The following ATRNL1 variants were observed in gnomAD, a reference collection of about 807,000 sequenced individuals.
The protein encoded by ATRNL1 is attractin-like protein 1.
ATRNL1 carries 95 observed loss-of-function variants against 182.7 expected under a neutral mutation model. The ratio of observed to expected loss-of-function variants is 0.52; its 90% CI spans 0.44 to 0.62. ATRNL1 has a LOEUF of 0.62. Among genes scored for constraint, ATRNL1 ranks in the 20% least tolerant of loss-of-function variants. The probability of loss-of-function intolerance (pLI) is 0.00; values close to 1 mark genes in which losing one functional copy is unlikely to be tolerated. For synonymous variants in ATRNL1, 576 were observed against 568.3 expected (o/e 1.01, Z -0.19); for missense variants, 1,471 against 1,679.5 (o/e 0.88, Z 2.17).
At chr10:115,152,613 G>A (rs2143919368) in intron 5 of ATRNL1, among the ~76,000 whole-genome samples, 1 of 152,198 alleles carries the variant, frequency 6.6e-6, no homozygotes, top group Non-Finnish European at 1.5e-5. Flanking sequence ...GGAGATTTTG[G>A]GCTGAGATGA....
chr10:115,813,717 G>A (rs987292117), intron 27 of ATRNL1, among the ~76,000 whole-genome samples: 1 of 152,100 alleles, frequency 6.6e-6, no homozygotes, highest in East Asian at 1.9e-4. Flanking sequence ...TTAAATAATA[G>A]AATAGATGCC....
chr10:115,211,265 G>T (rs4463773), intron 8 of ATRNL1, among the ~76,000 whole-genome samples: 2 of 148,690 alleles, frequency 1.3e-5, no homozygotes, highest in Non-Finnish European at 3.0e-5. Flanking sequence ...TTTAATTTAA[G>T]AATTTTTTCC....
At chr10:115,383,847 C>G (rs533376263) in intron 19 of ATRNL1, among the ~76,000 whole-genome samples, 10 of 151,846 alleles carry the variant, frequency 6.6e-5, no homozygotes, top group African/African-American at 2.2e-4. Context: ...ATTTAGTTAC[C>G]TTTTCCAAAT....
chr10:115,132,627 C>A (rs1173471086), intron 5 of ATRNL1, among the ~76,000 whole-genome samples: 3 of 152,130 alleles, frequency 2.0e-5, no homozygotes, highest in Non-Finnish European at 4.4e-5. Flanking sequence ...GCCATTCTAA[C>A]TGGTGTGAGA....
intron 13 of ATRNL1, among the ~76,000 whole-genome samples, chr10:115,271,195 C>CACACAG (rs1301498625): frequency 5.3e-5 from 8 of 151,080 alleles, no homozygotes; most frequent in Non-Finnish European, 8.9e-5. Context: ...CACACACACA[C>CACACAG]ACACAGATGT....
chr10:115,561,704 G>GGTGTGTGTGTGTGTGTGTGTGTGTGTGT (rs71010029), intron 26 of ATRNL1, among the ~76,000 whole-genome samples: 1 of 144,938 alleles, frequency 6.9e-6, no homozygotes, highest in African/African-American at 2.6e-5. Context: ...TGTGTGTGTG[G>GGTGTGTGTGTGTGTGTGTGTGTGTGTGT]GTGTGTGTGT....
At chr10:115,861,056 C>T (rs1555103387) in intron 28 of ATRNL1, among the ~76,000 whole-genome samples, 1 of 152,106 alleles carries the variant, frequency 6.6e-6, no homozygotes, top group African/African-American at 2.4e-5. Flanking sequence ...TACAAAGGGA[C>T]TCTGTATTTC....
chr10:115,181,098 G>A (rs529388687), intron 8 of ATRNL1, among the ~76,000 whole-genome samples: 1 of 151,980 alleles, frequency 6.6e-6, no homozygotes, highest in Non-Finnish European at 1.5e-5. Flanking sequence ...CTAATGAACA[G>A]ATAAATGGGA....
chr10:115,415,070 GT>G (rs1236302250), intron 20 of ATRNL1, among the ~76,000 whole-genome samples: 3 of 151,986 alleles, frequency 2.0e-5, no homozygotes, highest in Non-Finnish European at 4.4e-5. Flanking sequence ...CAATGGGATT[GT>G]TGGGTCGAAG....
At chr10:115,632,118 G>T (rs186217337) in intron 26 of ATRNL1, among the ~76,000 whole-genome samples, 61 of 152,212 alleles carry the variant, frequency 4.0e-4, no homozygotes, top group African/African-American at 1.4e-3. Context: ...AAGAAGGGAA[G>T]AATTAATTCT....
intron 25 of ATRNL1, among the ~76,000 whole-genome samples, chr10:115,521,867 A>G (rs551208383): frequency 3.3e-5 from 5 of 152,342 alleles, no homozygotes; most frequent in Non-Finnish European, 1.5e-5. Context: ...ATTAAGTTTT[A>G]TAAAGCTACT....
At chr10:115,798,596 C>T (rs140626556) in intron 27 of ATRNL1, among the ~76,000 whole-genome samples, 1 of 151,488 alleles carries the variant, frequency 6.6e-6, no homozygotes, top group Non-Finnish European at 1.5e-5. Flanking sequence ...TGTTACAGAC[C>T]ATCACCTGCT....
chr10:115,744,528 C>G (rs953113320), intron 27 of ATRNL1, among the ~76,000 whole-genome samples: 3 of 152,036 alleles, frequency 2.0e-5, no homozygotes, highest in African/African-American at 7.2e-5. Flanking sequence ...GATGATAAAC[C>G]CAAAGCACCA....
chr10:115,218,015 A>G (rs1333984468), intron 9 of ATRNL1, among the ~76,000 whole-genome samples: 2 of 152,020 alleles, frequency 1.3e-5, no homozygotes, highest in African/African-American at 4.8e-5. Context: ...TTTTCCATGG[A>G]CCCAGGGAGG....
At chr10:115,854,997 A>G (rs1555101507) in intron 28 of ATRNL1, among the ~76,000 whole-genome samples, 1 of 152,086 alleles carries the variant, frequency 6.6e-6, no homozygotes. Context: ...TTTACTCTGG[A>G]ATGAAAGGTC....
At chr10:115,869,196 C>A (rs1194798150) in intron 28 of ATRNL1, among the ~76,000 whole-genome samples, 1 of 152,118 alleles carries the variant, frequency 6.6e-6, no homozygotes, top group African/African-American at 2.4e-5. Context: ...GGACACACAA[C>A]GTGTTTCACA....
At chr10:115,943,241 G>A (rs765439593) in intron 28 of ATRNL1, among the ~76,000 whole-genome samples, 1 of 152,138 alleles carries the variant, frequency 6.6e-6, no homozygotes, top group Non-Finnish European at 1.5e-5. Flanking sequence ...TCAAGCCATA[G>A]ACTGGGAAAA....
chr10:115,265,069 A>C, intron 10 of ATRNL1, 124 bp from the exon 11 acceptor site: 1 of 513,826 alleles, frequency 1.9e-6, no homozygotes. Flanking sequence ...AATTAATGAG[A>C]ATTTTTTTTT....
At position 115,868,822 on chromosome 10, in the gene ATRNL1, C is replaced by CTTTTTTTTTTTTTTTTTTT. The variant is rs67676674; in HGVS notation, c.4018+20838_4018+20856dup. Among the ~76,000 whole-genome samples the CTTTTTTTTTTTTTTTTTTT allele has an allele frequency of 6.9e-3, 400 of 58,088 alleles. 90 individuals are homozygous for CTTTTTTTTTTTTTTTTTTT. Among genetic ancestry groups the CTTTTTTTTTTTTTTTTTTT allele is most frequent in the South Asian group, 0.01 (8 of 780 alleles). The allele number at this position is 58,088 out of a possible 152,430, so 38.1% of individuals were successfully genotyped here. ...ATATATCTGGTGGCAAGTCTTTATT[C>CTTTTTTTTTTTTTTTTTTT]TTTTTTTTTTTTTTTTTTTTTTTTT... On this transcript the variant is annotated intron_variant, in intron 28 of 28. Transcript: ENST00000355044.
Sources: gnomAD v4.1 joint callset for allele counts (sites outside exome capture counted in the v4.1 genomes callset) on GRCh38, gnomAD v4.1.1 for gene constraint, MANE v1.5 for transcripts, NCBI Gene and HGNC (gene_info 2026-07-23, HGNC 2026-07-21) for gene names.